CTNNAL1: variants seen among roughly 807,000 people sequenced by gnomAD.
CTNNAL1 encodes catenin alpha like 1.
Under a neutral mutation model 93.6 loss-of-function variants are expected in CTNNAL1, and 69 were observed. The ratio of observed to expected loss-of-function variants is 0.74; its 90% CI spans 0.61 to 0.90. CTNNAL1 has a LOEUF of 0.90. Among genes scored for constraint, CTNNAL1 ranks in the 40% least tolerant of loss-of-function variants. The pLI is 0.00. For synonymous variants in CTNNAL1, 286 were observed against 305.4 expected (o/e 0.94, Z 0.66); for missense variants, 836 against 862.0 (o/e 0.97, Z 0.38).
chr9:109,004,133 G>T (rs913753195), intron 1 of CTNNAL1, among the ~76,000 whole-genome samples: 6 of 152,140 alleles, frequency 3.9e-5, no homozygotes, highest in African/African-American at 1.4e-4. Flanking sequence ...CACTTCACCG[G>T]CCAAGTGGGA....
At chr9:108,987,380 TG>T (rs1831644877) in intron 4 of CTNNAL1, among the ~76,000 whole-genome samples, 1 of 152,184 alleles carries the variant, frequency 6.6e-6, no homozygotes, top group Non-Finnish European at 1.5e-5. Context: ...TCTGTTCCAT[TG>T]ATCTATATCT....
intron 4 of CTNNAL1, among the ~76,000 whole-genome samples, chr9:108,986,476 C>T (rs1001730416): frequency 1.3e-5 from 2 of 151,784 alleles, no homozygotes; most frequent in African/African-American, 4.8e-5. Context: ...TGAATAGTGC[C>T]ACAATAAACA....
chr9:108,945,263 C>G (rs890348404), intron 15 of CTNNAL1, among the ~76,000 whole-genome samples: 1 of 152,148 alleles, frequency 6.6e-6, no homozygotes, highest in Non-Finnish European at 1.5e-5. Flanking sequence ...TTAAATAAAA[C>G]AGTGTAGTAT....
intron 1 of CTNNAL1, among the ~76,000 whole-genome samples, chr9:109,002,714 G>A (rs554518677): frequency 6.6e-6 from 1 of 152,236 alleles, no homozygotes; most frequent in Admixed American, 6.5e-5. Flanking sequence ...CGTGCATGGT[G>A]GCTTACGCCT....
chr9:108,946,731 A>G (rs1174280663), intron 15 of CTNNAL1, among the ~76,000 whole-genome samples: 2 of 152,236 alleles, frequency 1.3e-5, no homozygotes, highest in African/African-American at 2.4e-5. Flanking sequence ...CAGATCTGAC[A>G]TATAGCACAA....
intron 2 of CTNNAL1, 136 bp from the exon 3 acceptor site, chr9:108,992,955 C>T: frequency 1.1e-6 from 1 of 944,990 alleles, no homozygotes; most frequent in Non-Finnish European, 1.5e-6. Flanking sequence ...GAAACGGTTT[C>T]ACCTTGACGA....
chr9:108,983,268 T>A lies in CTNNAL1; in HGVS notation c.777A>T (p.Glu259Asp), dbSNP rs750247565. 2 of 1,588,628 alleles carry A rather than the reference T, an allele frequency of 1.3e-6. No homozygotes were observed. Among genetic ancestry groups the A allele is most frequent in the African/African-American group, 2.7e-5 (2 of 73,738 alleles). The change falls in exon 6 of 19, where the codon GAA becomes GAT. Residue 259 changes from glutamate to aspartate, a missense_variant. By Grantham distance (45) the Glu-to-Asp change is conservative. Coordinates refer to ENST00000325551, the MANE Select transcript of CTNNAL1 (RefSeq NM_003798.4). Reference protein sequence around the residue: ...PNCESAHKNKEGVFDRMKVAL... With the variant: ...PNCESAHKNKDGVFDRMKVAL... ...CCACTTTCATACGGTCAAATACTCC[T>A]TCTTTGTTTTTATGGGCTGATTCGC...
intron 15 of CTNNAL1, among the ~76,000 whole-genome samples, chr9:108,945,644 TTTTG>T (rs1195930047): frequency 2.2e-5 from 3 of 135,048 alleles, no homozygotes; most frequent in African/African-American, 9.4e-5. Flanking sequence ...TTTTTTTTTG[TTTTG>T]TTTTTTTGTA....
chr9:108,978,930 G>A lies in CTNNAL1; in HGVS notation c.1101+351C>T, dbSNP rs540851491. Among the ~76,000 whole-genome samples the A allele has an allele frequency of 2.6e-5, 4 of 152,322 alleles. No individual in the cohort carries two copies. The South Asian group carries it at 6.2e-4, about 24-fold the overall frequency. On this transcript the variant is annotated intron_variant, in intron 7 of 18. Coordinates refer to ENST00000325551, the MANE Select transcript of CTNNAL1 (RefSeq NM_003798.4). ...TCAGGTCCCAAGAACCTCTAGGAGG[G>A]GGTCTACTCCTCTGTTCTTCACTCT...
chr9:109,006,945 G>A (rs778720532), intron 1 of CTNNAL1, among the ~76,000 whole-genome samples: 1 of 152,188 alleles, frequency 6.6e-6, no homozygotes, highest in Non-Finnish European at 1.5e-5. Flanking sequence ...TCAGCCAGGC[G>A]TGGCAGATCA....
At chr9:108,999,015 AC>A in intron 2 of CTNNAL1, 51 bp downstream of exon 2, 2 of 1,520,654 alleles carry the variant, frequency 1.3e-6, no homozygotes, top group South Asian at 2.7e-5. Context: ...TTTCATCATA[AC>A]CAAAGCAATA....
At chr9:108,987,981 C>G (rs1429390197) in intron 4 of CTNNAL1, among the ~76,000 whole-genome samples, 1 of 152,190 alleles carries the variant, frequency 6.6e-6, no homozygotes, top group Non-Finnish European at 1.5e-5. Flanking sequence ...CAAACAGGGA[C>G]AATTTGACTT....
chr9:108,989,967 C>G (rs2132171155), intron 4 of CTNNAL1, among the ~76,000 whole-genome samples: 1 of 152,290 alleles, frequency 6.6e-6, no homozygotes, highest in East Asian at 1.9e-4. Flanking sequence ...ATGAGAATCA[C>G]TTGAACCCAG....
chr9:108,950,453 A>T (rs947797417), intron 14 of CTNNAL1: 13 of 1,532,538 alleles, frequency 8.5e-6, no homozygotes, highest in Middle Eastern at 1.8e-4. Context: ...GACAAATGAC[A>T]GCTAAACAGC....
At chr9:108,943,154 A>G in intron 17 of CTNNAL1, 110 bp from the exon 18 acceptor site, 1 of 996,688 alleles carries the variant, frequency 1.0e-6, no homozygotes, top group African/African-American at 1.6e-5. Context: ...AATCTAAGGG[A>G]TCTTGAAAGA....
Position 108,952,361 on chromosome 9 carries a change from C to G in CTNNAL1, c.1683G>C (p.Glu561Asp). 6.2e-7 allele frequency: 1 copy of G among 1,614,132 alleles called. No homozygotes were observed. The highest frequency in any genetic ancestry group is 2.2e-5 in the East Asian group (1 of 44,868). The change falls in exon 14 of 19, where the codon GAG becomes GAC. Residue 561 changes from glutamate to aspartate, a missense_variant and splice_region_variant. Transcript: ENST00000325551. ...GTCCAAGCTTTGCTATCTTGGCTTG[C>G]TCCTATGAAACAGACGTTTTAATCA... ...SLKPDKPDSE[E>D]QAKIAKLGLK...
intron 12 of CTNNAL1, 94 bp downstream of exon 12, chr9:108,955,696 T>A (rs924720902): frequency 9.2e-7 from 1 of 1,083,982 alleles, no homozygotes; most frequent in African/African-American, 1.6e-5. Flanking sequence ...TCATGTCAAT[T>A]ATTTGTGGTA....
intron 6 of CTNNAL1, among the ~76,000 whole-genome samples, chr9:108,982,802 G>A (rs1831475353): frequency 6.6e-6 from 1 of 152,224 alleles, no homozygotes; most frequent in South Asian, 2.1e-4. Context: ...AAAAGACTGA[G>A]TGCAGTGGCT....
At chr9:108,986,009 T>C (rs986025147) in intron 4 of CTNNAL1, among the ~76,000 whole-genome samples, 6 of 151,942 alleles carry the variant, frequency 3.9e-5, no homozygotes, top group African/African-American at 1.5e-4. Context: ...AGGCTGTCAC[T>C]ACTGCCACTT....
Sources: gnomAD v4.1 joint callset for allele counts (sites outside exome capture counted in the v4.1 genomes callset) on GRCh38, gnomAD v4.1.1 for gene constraint, MANE v1.5 for transcripts, NCBI Gene and HGNC (gene_info 2026-07-23, HGNC 2026-07-21) for gene names.